Variants in SLMAP observed in about 807,000 individuals in gnomAD.
The protein encoded by SLMAP is sarcolemmal membrane-associated protein.
Under a neutral mutation model 128.8 loss-of-function variants are expected in SLMAP, and 44 were observed. The observed-to-expected ratio is 0.34, with a 90% CI of 0.27 to 0.44. The LOEUF (loss-of-function observed/expected upper bound fraction) is 0.44, where lower values mean the gene tolerates loss of function less well. Among genes scored for constraint, SLMAP ranks in the 20% least tolerant of loss-of-function variants. The pLI, the probability that SLMAP is intolerant of heterozygous loss-of-function variation, is 1.00. For synonymous variants in SLMAP, 327 were observed against 348.8 expected, an observed-to-expected ratio of 0.94 and a Z score of 0.70; for missense variants, 787 against 985.3, an observed-to-expected ratio of 0.80 and a Z score of 2.69.
At chr3:57,837,581 G>A (rs1222098208) in intron 3 of SLMAP, among the ~76,000 whole-genome samples, 5 of 152,244 alleles carry the variant, frequency 3.3e-5, no homozygotes, top group African/African-American at 7.2e-5. Context: ...GTGTTAACCA[G>A]GATGGTCTCT....
intron 24 of SLMAP, among the ~76,000 whole-genome samples, chr3:57,926,821 G>A (rs115504636): frequency 0.018 from 2,768 of 152,202 alleles, 73 homozygotes; most frequent in African/African-American, 0.063. Context: ...GTTTCAAGTT[G>A]GACGACCAAA....
chr3:57,861,844 G>C, intron 9 of SLMAP, 105 bp from the exon 10 acceptor site: 1 of 958,546 alleles, frequency 1.0e-6, no homozygotes, highest in Non-Finnish European at 1.6e-6. Context: ...TGTTGATTTA[G>C]AATAGTCCAT....
intron 22 of SLMAP, chr3:57,917,605 C>T (rs1295862978): frequency 1.3e-5 from 2 of 155,308 alleles, no homozygotes; most frequent in Non-Finnish European, 1.4e-5. Context: ...TGTCATTCTG[C>T]TTAAAACCTT....
At chr3:57,861,841 T>G in intron 9 of SLMAP, 108 bp from the exon 10 acceptor site, 1 of 936,664 alleles carries the variant, frequency 1.1e-6, no homozygotes, top group Non-Finnish European at 1.6e-6. Context: ...AGATGTTGAT[T>G]TAGAATAGTC....
At chr3:57,799,220 C>T (rs974761375) in intron 2 of SLMAP, among the ~76,000 whole-genome samples, 4 of 152,116 alleles carry the variant, frequency 2.6e-5, no homozygotes, top group Non-Finnish European at 4.4e-5. Context: ...CTTTGCTAAT[C>T]GTAATAACTT....
At chr3:57,869,630 TTA>T (rs55916379) in intron 13 of SLMAP, among the ~76,000 whole-genome samples, 3,744 of 75,374 alleles carry the variant, frequency 0.05, 252 homozygotes, top group African/African-American at 0.15. Flanking sequence ...CCCATCTCTA[TTA>T]TATATATATA....
chr3:57,845,864 T>C (rs937452830), intron 4 of SLMAP, among the ~76,000 whole-genome samples: 6 of 151,688 alleles, frequency 4.0e-5, no homozygotes, highest in Non-Finnish European at 8.8e-5. Context: ...TTTTTGGAGA[T>C]GGAGTCTTGC....
At chr3:57,848,907 C>CCATGTCGGT (rs1451374961) in intron 5 of SLMAP, among the ~76,000 whole-genome samples, 7 of 152,020 alleles carry the variant, frequency 4.6e-5, no homozygotes, top group Non-Finnish European at 8.8e-5. Context: ...CGGGGTTTCT[C>CCATGTCGGT]CATGTCGGTC....
chr3:57,904,507 T>C (rs1268817387), intron 17 of SLMAP, among the ~76,000 whole-genome samples: 1 of 152,234 alleles, frequency 6.6e-6, no homozygotes, highest in Non-Finnish European at 1.5e-5. Context: ...TTCTTATTTA[T>C]CTTATGTAAC....
chr3:57,819,478 GT>G (rs1263814328), intron 2 of SLMAP, among the ~76,000 whole-genome samples: 3 of 151,938 alleles, frequency 2.0e-5, no homozygotes, highest in Non-Finnish European at 4.4e-5. Context: ...GTGTGGGCAG[GT>G]TTTTCCCCCC....
rs569847059 is a variant in SLMAP, at chr3:57,832,910, T to C, written c.346+1380T>C. 1.2e-3 allele frequency among the ~76,000 whole-genome samples: 179 copies of C among 152,328 alleles called. 1 individual carries two copies. Among genetic ancestry groups the C allele is most frequent in the Admixed American group, 2.9e-3 (44 of 15,298 alleles). ...GGTAAAGAATATTGACACTTCTTACTAAGAGAATTCAACTTATATATGACC... is the reference window on the plus strand; with the variant it reads ...GGTAAAGAATATTGACACTTCTTACCAAGAGAATTCAACTTATATATGACC... On this transcript the variant is annotated intron_variant, in intron 3 of 24. Coordinates refer to ENST00000671191, the MANE Select transcript of SLMAP (RefSeq NM_001377540.1).
chr3:57,926,133 G>A (rs749410060), intron 24 of SLMAP, 199 bp downstream of exon 24: 18 of 565,766 alleles, frequency 3.2e-5, no homozygotes, highest in Non-Finnish European at 5.3e-5. Context: ...TGTTTACTTT[G>A]TAGTAATGCT....
intron 18 of SLMAP, 30 bp from the exon 19 acceptor site, chr3:57,909,046 T>C: frequency 6.8e-7 from 1 of 1,477,746 alleles, no homozygotes. Context: ...TTCACAAAAC[T>C]ATTAATAGAT....
At position 57,811,058 on chromosome 3, in the gene SLMAP, T is replaced by TA. The variant is rs575470032; in HGVS notation, c.199-20318dup. Reference sequence around the variant, plus strand: ...CTAGGCTCATATATCCAGCTGCCTTTAAAAAAATTTTTATTGTGATAAAAT... The same window carrying TA: ...CTAGGCTCATATATCCAGCTGCCTTTAAAAAAAATTTTTATTGTGATAAAAT... On this transcript the variant is annotated intron_variant, in intron 2 of 24. Transcript: ENST00000671191. Among the ~76,000 whole-genome samples, 51 of 152,316 alleles carry TA rather than the reference T, an allele frequency of 3.3e-4. No homozygotes were observed. The East Asian group carries it at 5.4e-3, about 16-fold the overall frequency.
In SLMAP at chr3:57,861,402, C is replaced by T. The variant is rs1271940391; in HGVS notation, c.829-547C>T. Among the ~76,000 whole-genome samples the T allele has an allele frequency of 2.0e-5, 3 of 152,112 alleles. No individual in the cohort carries two copies. The South Asian group carries it at 6.2e-4, about 31-fold the overall frequency. On this transcript the variant is annotated intron_variant, in intron 9 of 24. Coordinates refer to ENST00000671191, the MANE Select transcript of SLMAP (RefSeq NM_001377540.1). Reference sequence around the variant, plus strand: ...TCTTTGAACCACTGCAAAATTACCACATAAATAATGTATTACTAGAATTAG... The same window carrying T: ...TCTTTGAACCACTGCAAAATTACCATATAAATAATGTATTACTAGAATTAG...
At position 57,896,595 on chromosome 3, in the gene SLMAP, A is replaced by G; in HGVS notation, c.1441+4A>G. 6.3e-7 allele frequency: 1 copy of G among 1,598,286 alleles called. No homozygotes were observed. The highest frequency in any genetic ancestry group is 8.5e-7 in the Non-Finnish European group (1 of 1,171,644). On this transcript the variant is annotated splice_donor_region_variant and intron_variant, in intron 16 of 24. Coordinates refer to ENST00000671191, the MANE Select transcript of SLMAP (RefSeq NM_001377540.1). ...AAAAGCAGTGACGACACTACAGGTG[A>G]GTTTTAACCTAATGTTTACAGACCT... is the stretch of plus-strand genomic sequence containing the variant.
chr3:57,799,995 C>CCACT (rs1201600811), intron 2 of SLMAP: 5 of 152,214 alleles, frequency 3.3e-5, no homozygotes, highest in African/African-American at 7.2e-5. Flanking sequence ...TGTGATTGCA[C>CCACT]CACTGCAATC....
intron 8 of SLMAP, among the ~76,000 whole-genome samples, chr3:57,859,698 A>G (rs780412972): frequency 4.5e-4 from 69 of 152,154 alleles, no homozygotes; most frequent in Non-Finnish European, 8.5e-4. Flanking sequence ...TGGACATTGG[A>G]GACTCAGAAG....
intron 3 of SLMAP, among the ~76,000 whole-genome samples, chr3:57,831,747 G>A (rs901537111): frequency 2.0e-5 from 3 of 152,042 alleles, no homozygotes; most frequent in Admixed American, 6.6e-5. Context: ...CTTCATCACA[G>A]TCAGGGACCA....
Sources: gnomAD v4.1 joint callset for allele counts (sites outside exome capture counted in the v4.1 genomes callset) on GRCh38, gnomAD v4.1.1 for gene constraint, MANE v1.5 for transcripts, NCBI Gene and HGNC (gene_info 2026-07-23, HGNC 2026-07-21) for gene names.